The following ZNF385B variants were observed in gnomAD, a reference collection of about 807,000 sequenced individuals.
ZNF385B encodes zinc finger protein 533.
In ZNF385B, 23 loss-of-function variants were observed where a neutral mutation model predicts 39.2. That is an observed-to-expected ratio of 0.59 (90% CI 0.42 to 0.83). The LOEUF (loss-of-function observed/expected upper bound fraction) is 0.83. Ranked by LOEUF, ZNF385B falls within the 40% of genes least tolerant of loss-of-function variation. The probability of loss-of-function intolerance (pLI) is 0.00; values close to 1 mark genes in which losing one functional copy is unlikely to be tolerated. For missense variants in ZNF385B, 552 were observed against 598.9 expected (o/e 0.92, Z 0.82); for synonymous variants, 205 against 222.6 (o/e 0.92, Z 0.70).
intron 3 of ZNF385B, among the ~76,000 whole-genome samples, chr2:179,564,446 G>A (rs776753662): frequency 1.1e-4 from 17 of 152,044 alleles, no homozygotes; most frequent in Non-Finnish European, 2.2e-4. Flanking sequence ...AATACAGCCC[G>A]CCCTCTCTAT....
intron 3 of ZNF385B, among the ~76,000 whole-genome samples, chr2:179,665,514 G>A (rs1048080351): frequency 6.6e-6 from 1 of 152,050 alleles, no homozygotes; most frequent in African/African-American, 2.4e-5. Flanking sequence ...TGGAAGCTGC[G>A]GCTCCCCAGA....
At chr2:179,528,396 T>C (rs1336613785) in intron 4 of ZNF385B, among the ~76,000 whole-genome samples, 1 of 152,246 alleles carries the variant, frequency 6.6e-6, no homozygotes, top group East Asian at 1.9e-4. Context: ...CTGCACAGCG[T>C]GGTTGGCCTG....
intron 3 of ZNF385B, among the ~76,000 whole-genome samples, chr2:179,611,470 C>T (rs1032265053): frequency 6.6e-6 from 1 of 152,136 alleles, no homozygotes; most frequent in East Asian, 1.9e-4. Context: ...TTTTCTGCAT[C>T]CACGTTTATC....
intron 4 of ZNF385B, among the ~76,000 whole-genome samples, chr2:179,533,877 T>G (rs567945709): frequency 6.6e-6 from 1 of 152,230 alleles, no homozygotes; most frequent in Non-Finnish European, 1.5e-5. Flanking sequence ...TCTATGACAA[T>G]GTATCATAGG....
chr2:179,792,062 T>A (rs1705362280), intron 1 of ZNF385B, among the ~76,000 whole-genome samples: 1 of 152,048 alleles, frequency 6.6e-6, no homozygotes, highest in Admixed American at 6.6e-5. Flanking sequence ...GTGCCCGGCT[T>A]TACTTTTTAT....
At chr2:179,856,624 C>A (rs1329369774) in intron 1 of ZNF385B, among the ~76,000 whole-genome samples, 238 of 107,976 alleles carry the variant, frequency 2.2e-3, no homozygotes, top group African/African-American at 3.2e-3. Flanking sequence ...ACAGCAGAGA[C>A]AAAAAAAAAA....
In ZNF385B at chr2:179,483,300, T is replaced by TAC. The variant is rs2054200178; in HGVS notation, c.686_687insGT (p.Ile230Ter). 6.2e-7 allele frequency: 1 copy of TAC among 1,613,982 alleles called. No individual in the cohort carries two copies. On this transcript the variant is annotated frameshift_variant, in exon 6 of 10. Transcript: ENST00000410066. LOFTEE classifies it high-confidence loss of function. ...ATTTGTCAGAGTTGTTGCCTGTGAT[T>TAC]GGAGTGATGGAGCAGCTGGGATTAG...
chr2:179,445,142 A>T (rs950038792), intron 8 of ZNF385B, among the ~76,000 whole-genome samples, 165 bp from the exon 9 acceptor site: 2 of 152,132 alleles, frequency 1.3e-5, no homozygotes, highest in African/African-American at 4.8e-5. Flanking sequence ...TCCTCCCTCA[A>T]TTGTAATGCC....
rs1413597404 is a variant in ZNF385B at position 179,443,291 on chromosome 2, T to C, written c.1420A>G (p.Ile474Val). The C allele has an allele frequency of 6.2e-7, 1 of 1,612,608 alleles. No homozygotes were observed. ...PALLRPGHGP[I>V]RATPASILFA... ...AGGATGGAGGCAGGAGTGGCGCGGA[T>C]GGGCCCATGCCCAGGCCTCAGAAGA... Residue 474 changes from isoleucine to valine, a missense_variant, in exon 10 of 10, where the codon ATC (isoleucine) becomes GTC (valine). Transcript: ENST00000410066.
chr2:179,556,084 C>T (rs531919862), intron 3 of ZNF385B, among the ~76,000 whole-genome samples: 2 of 148,370 alleles, frequency 1.3e-5, no homozygotes, highest in African/African-American at 2.6e-5. Flanking sequence ...AATCTTTCAC[C>T]GAGATGCAAC....
At chr2:179,822,246 C>A (rs962975535) in intron 1 of ZNF385B, among the ~76,000 whole-genome samples, 6 of 152,282 alleles carry the variant, frequency 3.9e-5, no homozygotes, top group African/African-American at 1.2e-4. Context: ...TTATTAACCA[C>A]ACATTTTCCA....
intron 3 of ZNF385B, among the ~76,000 whole-genome samples, chr2:179,607,351 G>T (rs1688894275): frequency 6.6e-6 from 1 of 152,070 alleles, no homozygotes; most frequent in Non-Finnish European, 1.5e-5. Flanking sequence ...TCTCATGATA[G>T]TGAGAGAGTT....
chr2:179,736,615 T>C (rs1701773893), intron 3 of ZNF385B, among the ~76,000 whole-genome samples: 1 of 152,220 alleles, frequency 6.6e-6, no homozygotes, highest in African/African-American at 2.4e-5. Context: ...CTTCTTGAGC[T>C]TTTAATCATC....
intron 1 of ZNF385B, among the ~76,000 whole-genome samples, chr2:179,859,447 A>G (rs1001621949): frequency 2.6e-5 from 4 of 152,248 alleles, no homozygotes; most frequent in Non-Finnish European, 5.9e-5. Flanking sequence ...TACTGCAAAC[A>G]AAGCACATAA....
chr2:179,623,657 C>T (rs1690412511), intron 3 of ZNF385B, among the ~76,000 whole-genome samples: 1 of 152,132 alleles, frequency 6.6e-6, no homozygotes, highest in African/African-American at 2.4e-5. Context: ...GTGGCATCAG[C>T]AGCCCTGCTC....
At chr2:179,524,100 T>C (rs982960428) in intron 4 of ZNF385B, among the ~76,000 whole-genome samples, 2 of 151,810 alleles carry the variant, frequency 1.3e-5, no homozygotes, top group Non-Finnish European at 2.9e-5. Context: ...GCCCAGCCCA[T>C]ACTATTTGTA....
chr2:179,766,243 A>G (rs1703685967), intron 3 of ZNF385B, among the ~76,000 whole-genome samples: 1 of 152,048 alleles, frequency 6.6e-6, no homozygotes, highest in Non-Finnish European at 1.5e-5. Context: ...CCCAATTCCC[A>G]TCGATGCCAA....
chr2:179,782,812 A>G (rs1704750343), intron 1 of ZNF385B, among the ~76,000 whole-genome samples: 1 of 152,184 alleles, frequency 6.6e-6, no homozygotes, highest in Admixed American at 6.6e-5. Context: ...ATTATAAAAC[A>G]CTGCTCAAAG....
At chr2:179,457,864 C>G (rs922161475) in intron 6 of ZNF385B, among the ~76,000 whole-genome samples, 7 of 152,028 alleles carry the variant, frequency 4.6e-5, no homozygotes, top group African/African-American at 1.7e-4. Flanking sequence ...TATGATAACC[C>G]CAATTGTTTA....
Sources: gnomAD v4.1 joint callset for allele counts (sites outside exome capture counted in the v4.1 genomes callset) on GRCh38, gnomAD v4.1.1 for gene constraint, MANE v1.5 for transcripts, NCBI Gene and HGNC (gene_info 2026-07-23, HGNC 2026-07-21) for gene names.